SPIDR: variants seen among roughly 807,000 people sequenced by gnomAD.
SPIDR encodes the protein scaffold protein involved in DNA repair.
A neutral mutation model predicts 104.6 loss-of-function variants in SPIDR; 93 were observed. That is an observed-to-expected ratio of 0.89 (90% CI 0.75 to 1.06). The LOEUF is 1.06. SPIDR is among the 50% of genes least tolerant of loss of function. SPIDR has a pLI of 0.00. For missense variants in SPIDR, 1,154 were observed against 1,111.2 expected, an observed-to-expected ratio of 1.04 and a Z score of -0.55; for synonymous variants, 431 against 416.9, an observed-to-expected ratio of 1.03 and a Z score of -0.41.
Position 47,713,658 on chromosome 8 carries a change from C to A in SPIDR, c.2341+17C>A, listed in dbSNP as rs1242875094. The A allele has an allele frequency of 6.2e-7, 1 of 1,613,618 alleles. No individual in the cohort carries two copies. The highest frequency in any genetic ancestry group is 1.7e-5 in the Admixed American group (1 of 60,002). On this transcript the variant is annotated intron_variant, in intron 16 of 19. Transcript: ENST00000297423. Reference sequence around the variant, plus strand: ...GTGTTCAAGGTAGGCAGCCATCTCACAGGAATTGGTGCTTATACTTTCTTA... The same window carrying A: ...GTGTTCAAGGTAGGCAGCCATCTCAAAGGAATTGGTGCTTATACTTTCTTA...
chr8:47,539,948 A>G (rs75009527), intron 8 of SPIDR, among the ~76,000 whole-genome samples: 3,931 of 152,256 alleles, frequency 0.026, 128 homozygotes, highest in East Asian at 0.09. Flanking sequence ...ACTTTTAAAG[A>G]AAGAAGTAAA....
At chr8:47,691,759 C>G (rs1177689568) in intron 11 of SPIDR, among the ~76,000 whole-genome samples, 7 of 152,164 alleles carry the variant, frequency 4.6e-5, no homozygotes. Flanking sequence ...TGCTCAAGAC[C>G]CGCTCCTGTG....
At chr8:47,407,738 T>A (rs1189477419) in intron 6 of SPIDR, 123 bp from the exon 7 acceptor site, 2 of 479,868 alleles carry the variant, frequency 4.2e-6, no homozygotes, top group African/African-American at 2.0e-5. Flanking sequence ...GTAACAAATA[T>A]ACGTTAAAAT....
At chr8:47,310,753 A>T (rs587725991) in intron 5 of SPIDR, among the ~76,000 whole-genome samples, 10 of 152,342 alleles carry the variant, frequency 6.6e-5, no homozygotes, top group African/African-American at 2.4e-4. Context: ...AATTCTGCAT[A>T]AAAGTCTTAG....
At chr8:47,505,563 T>G (rs2081342327) in intron 8 of SPIDR, among the ~76,000 whole-genome samples, 1 of 152,230 alleles carries the variant, frequency 6.6e-6, no homozygotes, top group Admixed American at 6.5e-5. Flanking sequence ...GAAAGGGAAT[T>G]CCCTGACCCC....
chr8:47,520,294 T>C (rs1020819069), intron 8 of SPIDR, among the ~76,000 whole-genome samples: 21 of 152,158 alleles, frequency 1.4e-4, no homozygotes, highest in African/African-American at 4.6e-4. Context: ...CAGTTGAACG[T>C]GTGTAAGCCC....
At chr8:47,459,914 G>T (rs904828221) in intron 8 of SPIDR, among the ~76,000 whole-genome samples, 3 of 152,086 alleles carry the variant, frequency 2.0e-5, no homozygotes, top group Admixed American at 1.3e-4. Flanking sequence ...TCAGGAGCAG[G>T]TTATTTAATT....
At chr8:47,333,188 T>G (rs1383189722) in intron 5 of SPIDR, among the ~76,000 whole-genome samples, 2 of 152,188 alleles carry the variant, frequency 1.3e-5, no homozygotes, top group Non-Finnish European at 2.9e-5. Flanking sequence ...GCTGTCATCT[T>G]GTATGATATC....
At chr8:47,565,668 T>G (rs2057699070) in intron 8 of SPIDR, among the ~76,000 whole-genome samples, 1 of 151,762 alleles carries the variant, frequency 6.6e-6, no homozygotes, top group African/African-American at 2.4e-5. Flanking sequence ...TTGTTGCAAT[T>G]AAATTAGCCA....
intron 8 of SPIDR, among the ~76,000 whole-genome samples, chr8:47,549,690 A>G (rs954158959): frequency 6.6e-6 from 1 of 152,144 alleles, no homozygotes; most frequent in Non-Finnish European, 1.5e-5. Flanking sequence ...AGTAGATTGC[A>G]AAAATGTTCT....
chr8:47,595,792 A>G lies in SPIDR; in HGVS notation c.1098-19A>G, dbSNP rs1482030465. 2.5e-6 allele frequency: 4 copies of G among 1,610,750 alleles called. 1 individual carries two copies. In the African/African-American group the frequency reaches 4.0e-5, roughly 16 times the overall value. ...CCCAATATTGCAAAGAAACTGTTGC[A>G]TGTCTTTCTCTTTTCCAGGCAAAAA... On this transcript the variant is annotated intron_variant, in intron 8 of 19. Coordinates refer to ENST00000297423, the MANE Select transcript of SPIDR (RefSeq NM_001080394.4).
At position 47,294,586 on chromosome 8, in the gene SPIDR, C is replaced by T. The variant is rs940132810; in HGVS notation, c.525+556C>T. On this transcript the variant is annotated intron_variant, in intron 5 of 19. Transcript: ENST00000297423. ...GGATACACAGGACTTAGCATATAGT[C>T]GTACTCGTGGCCATCGTTTATTACA... Among the ~76,000 whole-genome samples, 75 of 152,212 alleles carry T rather than the reference C, an allele frequency of 4.9e-4. 1 individual carries two copies. The highest frequency in any genetic ancestry group is 4.0e-3 in the Admixed American group (61 of 15,284).
chr8:47,507,198 C>T (rs1414203920), intron 8 of SPIDR, among the ~76,000 whole-genome samples: 2 of 152,156 alleles, frequency 1.3e-5, no homozygotes, highest in Admixed American at 1.3e-4. Context: ...CTGTGCTGGT[C>T]AATGTAAGTT....
In SPIDR at chr8:47,658,603, A is replaced by G. The variant is rs1399922186; in HGVS notation, c.1545-15198A>G. Among the ~76,000 whole-genome samples, 103 of 151,432 alleles carry G rather than the reference A, an allele frequency of 6.8e-4. 1 individual carries two copies. The highest frequency in any genetic ancestry group is 8.8e-5 in the Non-Finnish European group (6 of 67,916). ...TGTTGTTGTTAATCTCAGCAGCACAATGTTTTTCTACAATAAAGATGGTGT... is the reference window on the plus strand; with the variant it reads ...TGTTGTTGTTAATCTCAGCAGCACAGTGTTTTTCTACAATAAAGATGGTGT... On this transcript the variant is annotated intron_variant, in intron 10 of 19. Transcript: ENST00000297423.
intron 8 of SPIDR, among the ~76,000 whole-genome samples, chr8:47,578,686 T>C (rs1241018353): frequency 1.3e-5 from 2 of 152,024 alleles, no homozygotes; most frequent in Non-Finnish European, 2.9e-5. Flanking sequence ...GAATCTAAAT[T>C]AGAAAAAAAT....
intron 11 of SPIDR, among the ~76,000 whole-genome samples, chr8:47,690,714 G>C (rs1039923242): frequency 1.3e-5 from 2 of 152,176 alleles, no homozygotes; most frequent in East Asian, 3.9e-4. Context: ...AGCTGCTTTG[G>C]ACGCTGAGGC....
intron 8 of SPIDR, among the ~76,000 whole-genome samples, chr8:47,483,331 C>G (rs1160003618): frequency 2.6e-5 from 4 of 151,976 alleles, no homozygotes; most frequent in Admixed American, 2.6e-4. Context: ...TTATTTCCTG[C>G]CAGGCAAAAA....
chr8:47,504,962 C>A (rs914937379), intron 8 of SPIDR, among the ~76,000 whole-genome samples: 1 of 152,200 alleles, frequency 6.6e-6, no homozygotes, highest in Non-Finnish European at 1.5e-5. Flanking sequence ...TGGTGAACAG[C>A]AAATGTTGCT....
chr8:47,313,095 C>G (rs782378339), intron 5 of SPIDR, among the ~76,000 whole-genome samples: 7 of 152,226 alleles, frequency 4.6e-5, no homozygotes, highest in Non-Finnish European at 1.0e-4. Flanking sequence ...AAAGGGTATT[C>G]AATTAGGAAA....
Sources: allele counts gnomAD v4.1 joint callset (sites outside exome capture counted in the v4.1 genomes callset), GRCh38; gene constraint gnomAD v4.1.1; transcripts MANE v1.5; gene names NCBI Gene and HGNC (gene_info 2026-07-23, HGNC 2026-07-21).